The following RASA1 variants were observed in gnomAD, a reference collection of about 807,000 sequenced individuals.
RASA1 encodes the protein ras GTPase-activating protein 1.
Under a neutral mutation model 132.2 loss-of-function variants are expected in RASA1, and 25 were observed. That is an observed-to-expected ratio of 0.19 (90% CI 0.14 to 0.26). The LOEUF (loss-of-function observed/expected upper bound fraction) is 0.26. Among genes scored for constraint, RASA1 ranks in the 10% least tolerant of loss-of-function variants. RASA1 has a pLI of 1.00. For missense variants in RASA1, 964 were observed against 1,299.2 expected (o/e 0.74, Z 3.97); for synonymous variants, 477 against 449.9 (o/e 1.06, Z -0.76).
intron 24 of RASA1, 79 bp from the exon 25 acceptor site, chr5:87,390,721 T>C (rs1762452024): frequency 8.3e-7 from 1 of 1,205,974 alleles, no homozygotes; most frequent in African/African-American, 1.5e-5. Context: ...TTGATACAGT[T>C]TTTTTCAAAT....
At chr5:87,383,874 G>C in intron 21 of RASA1, 94 bp downstream of exon 21, 2 of 889,500 alleles carry the variant, frequency 2.2e-6, no homozygotes, top group Non-Finnish European at 3.3e-6. Flanking sequence ...TTTTTTTTTT[G>C]ATCATCCAAT....
At chr5:87,313,447 T>C (rs1756073348) in intron 1 of RASA1, among the ~76,000 whole-genome samples, 1 of 152,132 alleles carries the variant, frequency 6.6e-6, no homozygotes, top group East Asian at 1.9e-4. Context: ...ATTCTCCAGT[T>C]TGGCTAGATA....
rs1367970244 is a variant in RASA1, at chr5:87,377,126, T to A, written c.2344+86T>A. 7 of 1,457,590 alleles carry A rather than the reference T, an allele frequency of 4.8e-6. No homozygotes were observed. In the African/African-American group the frequency reaches 9.8e-5, roughly 20 times the overall value. The allele number at this position is 1,457,590 out of a possible 1,614,324, so 90.3% of individuals were successfully genotyped here. On this transcript the variant is annotated intron_variant, in intron 17 of 24. Coordinates refer to ENST00000274376, the MANE Select transcript of RASA1 (RefSeq NM_002890.3). The stretch of plus-strand genomic sequence containing the variant: ...ATATGGACTCTATCTCTGAATATAC[T>A]AAATTGTTAAATTATATTGCAAAAT...
intron 5 of RASA1, among the ~76,000 whole-genome samples, chr5:87,338,532 TAAAA>T (rs1452805439): frequency 0.037 from 2,223 of 59,612 alleles, 173 homozygotes; most frequent in African/African-American, 0.095. Flanking sequence ...TATATATATA[TAAAA>T]TTTTTTTTTT....
At chr5:87,385,504 T>C (rs1274739736) in intron 22 of RASA1, 115 bp downstream of exon 22, 7 of 787,880 alleles carry the variant, frequency 8.9e-6, no homozygotes, top group African/African-American at 3.5e-5. Context: ...CGATGAAAGA[T>C]TATTTTTGTT....
chr5:87,271,991 A>G (rs569312995), intron 1 of RASA1, among the ~76,000 whole-genome samples: 2 of 143,638 alleles, frequency 1.4e-5, no homozygotes, highest in South Asian at 4.3e-4. Context: ...CGTCTCTACT[A>G]AAAAAAAAAA....
chr5:87,377,488 A>T (rs1202932372), intron 17 of RASA1, among the ~76,000 whole-genome samples: 2 of 151,898 alleles, frequency 1.3e-5, no homozygotes, highest in Non-Finnish European at 2.9e-5. Context: ...ATGCCACCAC[A>T]CCCAGCTAAT....
At chr5:87,382,428 A>G (rs1401678361) in intron 20 of RASA1, among the ~76,000 whole-genome samples, 1 of 152,206 alleles carries the variant, frequency 6.6e-6, no homozygotes, top group Non-Finnish European at 1.5e-5. Flanking sequence ...GTAACTCATT[A>G]TTTTGGGAAT....
At chr5:87,291,922 A>G (rs750822258) in intron 1 of RASA1, among the ~76,000 whole-genome samples, 14 of 152,234 alleles carry the variant, frequency 9.2e-5, no homozygotes, top group Non-Finnish European at 1.8e-4. Context: ...GGTCTAATGC[A>G]TATGATATTG....
At chr5:87,361,137 G>C (rs939814567) in intron 9 of RASA1, among the ~76,000 whole-genome samples, 1 of 152,138 alleles carries the variant, frequency 6.6e-6, no homozygotes, top group South Asian at 2.1e-4. Context: ...AGTTCATTTA[G>C]TGTGTCCACT....
At chr5:87,344,756 T>G (rs1758729186) in intron 6 of RASA1, among the ~76,000 whole-genome samples, 1 of 149,208 alleles carries the variant, frequency 6.7e-6, no homozygotes, top group South Asian at 2.1e-4. Context: ...TGGCCTCAAG[T>G]GATCCTCCCA....
intron 11 of RASA1, among the ~76,000 whole-genome samples, chr5:87,364,824 T>G (rs1760384218): frequency 6.6e-6 from 1 of 152,124 alleles, no homozygotes; most frequent in Non-Finnish European, 1.5e-5. Flanking sequence ...TTGAGCCACC[T>G]CTCAACCAAT....
Position 87,282,813 on chromosome 5 carries a change from A to G in RASA1, c.539+13823A>G, listed in dbSNP as rs142953218. ...AAGTTCACAGATTCTGTCTTCTGTC[A>G]TCTGCTATTGAGCCCATTAAGTTGA... is the stretch of plus-strand genomic sequence containing the variant. On this transcript the variant is annotated intron_variant, in intron 1 of 24. Transcript: ENST00000274376. 7.0e-3 allele frequency among the ~76,000 whole-genome samples: 1,065 copies of G among 152,262 alleles called. 5 individuals carry two copies. Among genetic ancestry groups the G allele is most frequent in the African/African-American group, 0.016 (679 of 41,548 alleles).
Position 87,337,852 on chromosome 5 carries a change from G to C in RASA1, c.900-122G>C. Reference sequence around the variant, plus strand: ...AATAGGATACAAATTTAGGGTGTTTGACTCTAATTCCTTACATTTTTCAAT... The same window carrying C: ...AATAGGATACAAATTTAGGGTGTTTCACTCTAATTCCTTACATTTTTCAAT... On this transcript the variant is annotated intron_variant, in intron 4 of 24. Coordinates refer to ENST00000274376, the MANE Select transcript of RASA1 (RefSeq NM_002890.3). 3.8e-6 allele frequency: 4 copies of C among 1,045,356 alleles called. No homozygotes were observed. The South Asian group carries it at 9.0e-5, about 24-fold the overall frequency. 64.8% of individuals were successfully genotyped at this position (1,045,356 alleles called of 1,614,324 possible).
In RASA1 at chr5:87,391,530, A is replaced by G. The variant is rs1160476264; in HGVS notation, c.*647A>G. On this transcript the variant is annotated 3_prime_UTR_variant, in exon 25 of 25. Coordinates refer to ENST00000274376, the MANE Select transcript of RASA1 (RefSeq NM_002890.3). ...GCTTTATTTTTTAAACATACGACTT[A>G]TTTTGTTGAAATTGTCAAAGACTGT... The G allele has an allele frequency of 8.4e-6, 2 of 237,576 alleles. No individual in the cohort carries two copies. Among genetic ancestry groups the G allele is most frequent in the East Asian group, 6.1e-5 (1 of 16,520 alleles). The allele number at this position is 237,576 out of a possible 1,614,324, so 14.7% of individuals were successfully genotyped here. A position where few individuals can be genotyped will look rare whatever the true frequency, so the allele number is the denominator to read the frequency against.
At chr5:87,304,609 AG>A (rs898952199) in intron 1 of RASA1, among the ~76,000 whole-genome samples, 1 of 151,904 alleles carries the variant, frequency 6.6e-6, no homozygotes, top group African/African-American at 2.4e-5. Context: ...CTGGGATTAC[AG>A]GTGTGTGCCC....
intron 13 of RASA1, among the ~76,000 whole-genome samples, chr5:87,373,084 A>C (rs1333082362): frequency 6.6e-6 from 1 of 152,164 alleles, no homozygotes; most frequent in Non-Finnish European, 1.5e-5. Flanking sequence ...TTTTGTGTGA[A>C]ACTTGAGCCA....
intron 1 of RASA1, among the ~76,000 whole-genome samples, chr5:87,285,388 A>G (rs906296040): frequency 6.6e-6 from 1 of 151,606 alleles, no homozygotes; most frequent in Non-Finnish European, 1.5e-5. Flanking sequence ...CTTTTAATTA[A>G]TTTTTGTGGA....
chr5:87,342,640 CTG>C (rs755957968), intron 6 of RASA1, among the ~76,000 whole-genome samples: 19 of 152,268 alleles, frequency 1.2e-4, no homozygotes, highest in Admixed American at 2.6e-4. Context: ...AAAAACAACA[CTG>C]TACGTGTGGT....
Sources: allele counts gnomAD v4.1 joint callset (sites outside exome capture counted in the v4.1 genomes callset), GRCh38; gene constraint gnomAD v4.1.1; transcripts MANE v1.5; gene names NCBI Gene and HGNC (gene_info 2026-07-23, HGNC 2026-07-21).